Variants in NBEA observed in about 807,000 individuals in gnomAD.
The protein encoded by NBEA is lysosomal-trafficking regulator 2.
In NBEA, 44 loss-of-function variants were observed where a neutral mutation model predicts 343.4. The observed-to-expected ratio is 0.13, with a 90% CI of 0.10 to 0.16. The LOEUF is 0.16. Ranked by LOEUF, NBEA falls within the 10% of genes least tolerant of loss-of-function variation. The pLI is 1.00. For synonymous variants in NBEA, 1,175 were observed against 1,238.7 expected (o/e 0.95, Z 1.08); for missense variants, 2,555 against 3,631.3 (o/e 0.70, Z 7.62).
intron 1 of NBEA, among the ~76,000 whole-genome samples, chr13:34,944,142 A>G (rs868426786): frequency 2.6e-5 from 4 of 152,238 alleles, no homozygotes; most frequent in African/African-American, 7.2e-5. Context: ...AGTCTTTGAC[A>G]TACTGTAAGG....
chr13:34,945,398 A>G (rs571590596), intron 1 of NBEA, among the ~76,000 whole-genome samples: 21 of 152,238 alleles, frequency 1.4e-4, no homozygotes, highest in African/African-American at 4.6e-4. Flanking sequence ...TGAAAATGTC[A>G]TATGAAAATT....
chr13:35,098,405 G>C lies in NBEA; in HGVS notation c.1680G>C (p.Lys560Asn). 6.4e-7 allele frequency: 1 copy of C among 1,562,034 alleles called. No homozygotes were observed. The highest frequency in any genetic ancestry group is 8.7e-7 in the Non-Finnish European group (1 of 1,146,946). ...GFLVIGYLLE[K>N]SSRVHITRAV... ...TAGTCATTGGCTACTTACTTGAAAA[G>C]GTAAGTGATATGTGTTGATGGTTTT... Residue 560 changes from lysine to asparagine, a missense_variant and splice_region_variant, in exon 11 of 59, where the codon AAG becomes AAC. Lys to Asn is a moderately conservative substitution (Grantham distance 94). Around this residue, in one of 21 missense-constraint regions of NBEA, gnomAD observed 360 missense variants for 519.1 expected, o/e 0.69. Transcript: ENST00000379939.
chr13:35,266,559 T>TA (rs2033698154), intron 34 of NBEA, among the ~76,000 whole-genome samples: 1 of 151,792 alleles, frequency 6.6e-6, no homozygotes, highest in Non-Finnish European at 1.5e-5. Context: ...TGGGAGACAT[T>TA]ATGTTAAATG....
At chr13:35,112,042 G>A (rs1212116095) in intron 13 of NBEA, among the ~76,000 whole-genome samples, 4 of 148,696 alleles carry the variant, frequency 2.7e-5, no homozygotes, top group Admixed American at 1.4e-4. Flanking sequence ...TCAGCCTCCC[G>A]AGTAGCTGGG....
intron 36 of NBEA, among the ~76,000 whole-genome samples, chr13:35,319,919 C>CT (rs112253170): frequency 0.21 from 31,674 of 147,782 alleles, 3,565 homozygotes; most frequent in African/African-American, 0.29. Context: ...GCAACCTCTG[C>CT]TTTTTTTTTT....
At chr13:35,409,641 G>T (rs776905685) in intron 38 of NBEA, among the ~76,000 whole-genome samples, 13 of 151,918 alleles carry the variant, frequency 8.6e-5, no homozygotes, top group Non-Finnish European at 1.9e-4. Flanking sequence ...TAACCAAATG[G>T]TTCTACCTGT....
chr13:35,528,542 A>G (rs1305925139), intron 41 of NBEA, among the ~76,000 whole-genome samples: 1 of 152,198 alleles, frequency 6.6e-6, no homozygotes, highest in Non-Finnish European at 1.5e-5. Flanking sequence ...CAGGAGAAAA[A>G]TTGTCTTAGT....
intron 45 of NBEA, among the ~76,000 whole-genome samples, chr13:35,572,044 G>A (rs1309810278): frequency 6.6e-6 from 1 of 151,952 alleles, no homozygotes; most frequent in Non-Finnish European, 1.5e-5. Context: ...ACAGGTTAGG[G>A]GCTATGTTTA....
chr13:35,331,964 G>C (rs971041746), intron 36 of NBEA, among the ~76,000 whole-genome samples: 1 of 151,844 alleles, frequency 6.6e-6, no homozygotes, highest in Non-Finnish European at 1.5e-5. Context: ...CATGTTAAAT[G>C]TACTGTACAG....
chr13:35,436,179 G>A (rs566283202), intron 39 of NBEA, among the ~76,000 whole-genome samples: 9 of 152,102 alleles, frequency 5.9e-5, no homozygotes, highest in Admixed American at 4.6e-4. Context: ...ATAGCCTGAC[G>A]TCTGAATATT....
intron 46 of NBEA, among the ~76,000 whole-genome samples, chr13:35,590,467 C>G (rs940310646): frequency 6.6e-6 from 1 of 152,068 alleles, no homozygotes; most frequent in African/African-American, 2.4e-5. Flanking sequence ...CAGATTCATT[C>G]ATAACTTTGT....
chr13:35,540,434 C>T (rs965644688), intron 41 of NBEA, among the ~76,000 whole-genome samples: 8 of 151,892 alleles, frequency 5.3e-5, no homozygotes, highest in Non-Finnish European at 7.4e-5. Flanking sequence ...AAAATAATAG[C>T]AGAGAGAAAA....
chr13:35,572,236 A>ATTCAGTATATATTCAGT (rs1420946741), intron 45 of NBEA, among the ~76,000 whole-genome samples: 1 of 152,188 alleles, frequency 6.6e-6, no homozygotes, highest in Non-Finnish European at 1.5e-5. Flanking sequence ...TCAGTTATTT[A>ATTCAGTATATATTCAGT]CATATACTCA....
intron 10 of NBEA, among the ~76,000 whole-genome samples, chr13:35,092,992 C>T (rs998365112): frequency 6.6e-6 from 1 of 151,984 alleles, no homozygotes; most frequent in Non-Finnish European, 1.5e-5. Flanking sequence ...TCCATTAATA[C>T]TCATCAACTA....
At chr13:35,552,138 A>G (rs552764912) in intron 43 of NBEA, among the ~76,000 whole-genome samples, 3 of 152,240 alleles carry the variant, frequency 2.0e-5, no homozygotes, top group Non-Finnish European at 4.4e-5. Flanking sequence ...GTCCTTGAGA[A>G]TTATTACACA....
intron 55 of NBEA, among the ~76,000 whole-genome samples, chr13:35,658,963 A>G (rs1396793211): frequency 6.6e-6 from 1 of 152,186 alleles, no homozygotes; most frequent in African/African-American, 2.4e-5. Context: ...ACATAGACAT[A>G]GTTGTTGCCA....
chr13:35,133,840 G>A (rs941930681), intron 17 of NBEA, among the ~76,000 whole-genome samples: 1 of 152,012 alleles, frequency 6.6e-6, no homozygotes, highest in African/African-American at 2.4e-5. Context: ...TGGTTATCCC[G>A]AAGTAGAGTG....
At chr13:35,461,680 T>A (rs2046911576) in intron 40 of NBEA, among the ~76,000 whole-genome samples, 2 of 152,204 alleles carry the variant, frequency 1.3e-5, no homozygotes, top group Admixed American at 1.3e-4. Context: ...GTCACTGCCA[T>A]ACCTAAGAGT....
At chr13:35,422,472 A>G (rs2044354096) in intron 38 of NBEA, among the ~76,000 whole-genome samples, 9 of 152,250 alleles carry the variant, frequency 5.9e-5, no homozygotes, top group Non-Finnish European at 1.0e-4. Flanking sequence ...TACAAAGGAC[A>G]TGAACTCATC....
Sources: gnomAD v4.1 joint callset for allele counts (sites outside exome capture counted in the v4.1 genomes callset) on GRCh38, gnomAD v4.1.1 for gene constraint, gnomAD v4.1.1 regional missense constraint, MANE v1.5 for transcripts, NCBI Gene and HGNC (gene_info 2026-07-23, HGNC 2026-07-21) for gene names.